LRRC51: variants seen among roughly 807,000 people sequenced by gnomAD.
LRRC51 encodes leucine-rich repeat-containing protein 51.
LRRC51 carries 8 observed loss-of-function variants against 17.8 expected under a neutral mutation model. The ratio of observed to expected loss-of-function variants is 0.45; its 90% CI spans 0.26 to 0.81. The LOEUF is 0.81. Ranked by LOEUF, LRRC51 falls within the 30% of genes least tolerant of loss-of-function variation. LRRC51 has a pLI of 0.17. For synonymous variants in LRRC51, 92 were observed against 96.0 expected, an observed-to-expected ratio of 0.96 and a Z score of 0.24; for missense variants, 233 against 239.3, an observed-to-expected ratio of 0.97 and a Z score of 0.17.
rs759494616 is a variant in LRRC51 at position 72,093,482 on chromosome 11, C to T, written c.83-14C>T. 1.9e-6 allele frequency: 3 copies of T among 1,606,560 alleles called. No individual in the cohort carries two copies. The South Asian group carries it at 3.3e-5, about 18-fold the overall frequency. On this transcript the variant is annotated splice_polypyrimidine_tract_variant and intron_variant, in intron 3 of 5. Coordinates refer to ENST00000289488, the MANE Select transcript of LRRC51 (RefSeq NM_145309.6). Reference sequence around the variant, plus strand: ...AAGCAAAGATGATACCCAAGTCTCACTTTGTCCCCACAGATCTGGTAAATG... The same window carrying T: ...AAGCAAAGATGATACCCAAGTCTCATTTTGTCCCCACAGATCTGGTAAATG...
At chr11:72,095,293 G>T in intron 5 of LRRC51, 86 bp from the exon 6 acceptor site, 1 of 1,610,210 alleles carries the variant, frequency 6.2e-7, no homozygotes, top group Non-Finnish European at 8.5e-7. Flanking sequence ...TCCATTCCTT[G>T]CAGTCAGGGA....
chr11:72,096,798 G>T lies in LRRC51; in HGVS notation c.*1278G>T. On this transcript the variant is annotated 3_prime_UTR_variant, in exon 6 of 6. Transcript: ENST00000289488. ...AGATGGCCTATGATCTCTGAAACCA[G>T]CCCCCACTTCAATCAGATCAAAGTA... The T allele has an allele frequency of 7.2e-7, 1 of 1,387,294 alleles. No individual in the cohort carries two copies. Among genetic ancestry groups the T allele is most frequent in the South Asian group, 1.6e-5 (1 of 61,490 alleles). 85.9% of individuals were successfully genotyped at this position (1,387,294 alleles called of 1,614,324 possible). A position where few individuals can be genotyped will look rare whatever the true frequency, so the allele number is the denominator to read the frequency against.
intron 1 of LRRC51, among the ~76,000 whole-genome samples, chr11:72,082,902 G>T (rs1757276980): frequency 6.7e-6 from 1 of 150,294 alleles, no homozygotes; most frequent in Non-Finnish European, 1.5e-5. Flanking sequence ...TTTCGCTCTT[G>T]CTGCCCAGGC....
intron 2 of LRRC51, chr11:72,088,759 C>G: frequency 2.0e-6 from 1 of 511,486 alleles, no homozygotes; most frequent in East Asian, 3.6e-5. Context: ...TCCTTTTACC[C>G]CTTGGGTTTC....
intron 3 of LRRC51, among the ~76,000 whole-genome samples, chr11:72,091,891 G>A (rs966969523): frequency 1.3e-5 from 2 of 152,110 alleles, no homozygotes; most frequent in African/African-American, 4.8e-5. Flanking sequence ...ATTCACTCTT[G>A]AACTCACTCA....
chr11:72,095,307 C>T (rs1321751506), intron 5 of LRRC51, 72 bp from the exon 6 acceptor site: 1 of 1,612,092 alleles, frequency 6.2e-7, no homozygotes, highest in Non-Finnish European at 8.5e-7. Context: ...TCAGGGAAGA[C>T]AACAGCAACT....
rs57956403 is a variant in LRRC51 at position 72,090,281 on chromosome 11, A to T, written c.82+1116A>T. Among the ~76,000 whole-genome samples the T allele has an allele frequency of 9.5e-3, 1,444 of 152,280 alleles. 13 individuals carry two copies. The highest frequency in any genetic ancestry group is 0.033 in the African/African-American group (1,379 of 41,550). ...GACAGGTGCAATGACAGAGGTGGGA[A>T]GGAAGTATACCTCCTACCTATCATG... On this transcript the variant is annotated intron_variant, in intron 3 of 5. Coordinates refer to ENST00000289488, the MANE Select transcript of LRRC51 (RefSeq NM_145309.6).
At chr11:72,094,155 G>A (rs923238347) in intron 4 of LRRC51, among the ~76,000 whole-genome samples, 11 of 151,846 alleles carry the variant, frequency 7.2e-5, no homozygotes, top group South Asian at 2.1e-4. Context: ...GCGTGGTGGC[G>A]GGCGCCTGTA....
At position 72,091,965 on chromosome 11, in the gene LRRC51, C is replaced by T. The variant is rs1944889759; in HGVS notation, c.83-1531C>T. On this transcript the variant is annotated intron_variant, in intron 3 of 5. Coordinates refer to ENST00000289488, the MANE Select transcript of LRRC51 (RefSeq NM_145309.6). ...ACTGAAGCAGCCCTTACCAAGGTTA[C>T]CAGGGACTTCTAAGTTGCCAAAATT... Among the ~76,000 whole-genome samples the T allele has an allele frequency of 3.3e-5, 5 of 152,310 alleles. No individual in the cohort carries two copies. In the South Asian group the frequency reaches 8.3e-4, roughly 25 times the overall value.
chr11:72,093,726 A>T, intron 4 of LRRC51, 25 bp downstream of exon 4: 1 of 1,611,794 alleles, frequency 6.2e-7, no homozygotes, highest in Non-Finnish European at 8.5e-7. Context: ...GTAGGAATCC[A>T]GTCAGGGGAG....
intron 1 of LRRC51, among the ~76,000 whole-genome samples, chr11:72,087,839 T>C (rs562188614): frequency 2.0e-5 from 3 of 152,342 alleles, no homozygotes; most frequent in Non-Finnish European, 4.4e-5. Flanking sequence ...CACCACTTCA[T>C]TTTACTTATT....
intron 2 of LRRC51, chr11:72,088,812 C>T: frequency 5.5e-6 from 3 of 547,830 alleles, no homozygotes; most frequent in South Asian, 4.1e-5. Context: ...AATGGGTGTT[C>T]GATTCTCAAA....
chr11:72,082,193 G>T (rs759148609), intron 1 of LRRC51, among the ~76,000 whole-genome samples: 6 of 152,214 alleles, frequency 3.9e-5, no homozygotes, highest in Non-Finnish European at 8.8e-5. Context: ...GAACTAGAGA[G>T]ACTAAGACAA....
intron 3 of LRRC51, among the ~76,000 whole-genome samples, chr11:72,091,239 C>G (rs1410260148): frequency 7.2e-5 from 11 of 152,200 alleles, no homozygotes; most frequent in East Asian, 1.9e-4. Context: ...ACATGGGGCA[C>G]TAGTTCATGT....
In LRRC51 at chr11:72,089,120, G is replaced by C; in HGVS notation, c.37G>C (p.Glu13Gln). ...KRDYMNTSVQ[E>Q]PPLDYSFRSI... ...GGACTATATGAACACTTCGGTACAG[G>C]AGCCCCCTCTTGACTACTCCTTCAG... is the stretch of plus-strand genomic sequence containing the variant. Residue 13 changes from glutamate to glutamine, a missense_variant, in exon 3 of 6, where the codon GAG (glutamate) becomes CAG (glutamine). Physicochemically the swap from Glu to Gln is conservative, Grantham distance 29. Coordinates refer to ENST00000289488, the MANE Select transcript of LRRC51 (RefSeq NM_145309.6). 6.2e-7 allele frequency: 1 copy of C among 1,614,102 alleles called. No homozygotes were observed. Among genetic ancestry groups the C allele is most frequent in the South Asian group, 1.1e-5 (1 of 91,080 alleles).
At position 72,096,759 on chromosome 11, in the gene LRRC51, A is replaced by G. The variant is rs954886701; in HGVS notation, c.*1239A>G. The G allele has an allele frequency of 1.3e-6, 2 of 1,490,466 alleles. No homozygotes were observed. Among genetic ancestry groups the G allele is most frequent in the Non-Finnish European group, 1.8e-6 (2 of 1,112,796 alleles). The allele number at this position is 1,490,466 out of a possible 1,614,324, so 92.3% of individuals were successfully genotyped here. A position where few individuals can be genotyped will look rare whatever the true frequency, so the allele number is the denominator to read the frequency against. On this transcript the variant is annotated 3_prime_UTR_variant, in exon 6 of 6. Transcript: ENST00000289488. The stretch of plus-strand genomic sequence containing the variant: ...CTGTAGAGATGCCTCACAGGCCTCC[A>G]TGACAGGCCAAGAAGATGGCCTATG...
chr11:72,084,576 C>T (rs1944417019), intron 1 of LRRC51, among the ~76,000 whole-genome samples: 1 of 152,126 alleles, frequency 6.6e-6, no homozygotes, highest in South Asian at 2.1e-4. Flanking sequence ...GTGGCTTACA[C>T]CTGTAATCCC....
chr11:72,095,681 T>C lies in LRRC51; in HGVS notation c.*161T>C, dbSNP rs565892496. The C allele has an allele frequency of 1.4e-5, 21 of 1,480,252 alleles. No individual in the cohort carries two copies. In the South Asian group the frequency reaches 2.2e-4, roughly 16 times the overall value. The allele number at this position is 1,480,252 out of a possible 1,614,324, so 91.7% of individuals were successfully genotyped here. A position where few individuals can be genotyped will look rare whatever the true frequency, so the allele number is the denominator to read the frequency against. On this transcript the variant is annotated 3_prime_UTR_variant, in exon 6 of 6. Coordinates refer to ENST00000289488, the MANE Select transcript of LRRC51 (RefSeq NM_145309.6). ...TAGCTCTAGCCTTTTCTTTTCTTTTTTTTTTTTTTGAGACGGAGTCTCACT... is the reference window on the plus strand; with the variant it reads ...TAGCTCTAGCCTTTTCTTTTCTTTTCTTTTTTTTTGAGACGGAGTCTCACT...
intron 1 of LRRC51, chr11:72,083,788 C>G (rs960030251): frequency 1.3e-5 from 2 of 152,106 alleles, no homozygotes; most frequent in African/African-American, 2.4e-5. Flanking sequence ...TCCAAGCAGA[C>G]AGAGCTGGAA....
Sources: allele counts gnomAD v4.1 joint callset (sites outside exome capture counted in the v4.1 genomes callset), GRCh38; gene constraint gnomAD v4.1.1; transcripts MANE v1.5; gene names NCBI Gene and HGNC (gene_info 2026-07-23, HGNC 2026-07-21).